LOX: variants seen among roughly 807,000 people sequenced by gnomAD.
The protein encoded by LOX is lysyl oxidase.
In LOX, 12 loss-of-function variants were observed where a neutral mutation model predicts 50.5. The ratio of observed to expected loss-of-function variants is 0.24; its 90% CI spans 0.15 to 0.38. The LOEUF (loss-of-function observed/expected upper bound fraction) is 0.38, where lower values mean the gene tolerates loss of function less well. Among genes scored for constraint, LOX ranks in the 10% least tolerant of loss-of-function variants. The probability of loss-of-function intolerance (pLI) is 1.00; values close to 1 mark genes in which losing one functional copy is unlikely to be tolerated. For missense variants in LOX, 504 were observed against 563.8 expected (o/e 0.89, Z 1.07); for synonymous variants, 254 against 230.6 (o/e 1.10, Z -0.92).
Position 122,077,237 on chromosome 5 carries a change from G to C in LOX, c.631+118C>G, listed in dbSNP as rs1327353114. Reference sequence around the variant, plus strand: ...TCCAGGGCTGCCACTGCAGGCGCGTGGGGGAGGGATCGGATCTGCGAGGAC... The same window carrying C: ...TCCAGGGCTGCCACTGCAGGCGCGTCGGGGAGGGATCGGATCTGCGAGGAC... On this transcript the variant is annotated intron_variant, in intron 1 of 6. Coordinates refer to ENST00000231004, the MANE Select transcript of LOX (RefSeq NM_002317.7). The surrounding 1 kb of genome is among the most constrained non-coding windows in gnomAD (Gnocchi z 4.9). The C allele has an allele frequency of 1.9e-5, 29 of 1,514,904 alleles. No homozygotes were observed. The highest frequency in any genetic ancestry group is 2.5e-5 in the Non-Finnish European group (28 of 1,132,944). 93.8% of individuals were successfully genotyped at this position (1,514,904 alleles called of 1,614,324 possible).
chr5:122,073,763 C>T (rs1754526866), intron 4 of LOX, among the ~76,000 whole-genome samples: 1 of 152,122 alleles, frequency 6.6e-6, no homozygotes, highest in South Asian at 2.1e-4. Context: ...CCATCATTTG[C>T]CTTTTCCCAA....
Position 122,077,959 on chromosome 5 carries a change from C to T in LOX, c.27G>A (p.Leu9=). 6.8e-7 allele frequency: 1 copy of T among 1,475,610 alleles called. No individual in the cohort carries two copies. The highest frequency in any genetic ancestry group is 1.5e-5 in the South Asian group (1 of 67,700). The allele number at this position is 1,475,610 out of a possible 1,614,324, so 91.4% of individuals were successfully genotyped here. Residue 9 remains leucine (L), a synonymous_variant, in exon 1 of 7, where the codon CTG becomes CTA. Transcript: ENST00000231004. The surrounding 1 kb of genome is among the most constrained non-coding windows in gnomAD (Gnocchi z 4.9). Reference sequence around the variant, plus strand: ...GCGCGCAGAGCTGCAAAGGCCCGAGCAGGAGCACGGTCCAGGCGAAGCGCA... The same window carrying T: ...GCGCGCAGAGCTGCAAAGGCCCGAGTAGGAGCACGGTCCAGGCGAAGCGCA... The part of the protein sequence containing the change: MRFAWTVL[L]LGPLQLCALV...
rs1417896367 is a variant in LOX at position 122,063,466 on chromosome 5, CA to C, written c.*3276del. On this transcript the variant is annotated 3_prime_UTR_variant, in exon 7 of 7. Transcript: ENST00000231004. ...ATATTAATTAAATGTTTATATACCACAAGCTAAGATTTAATGCATTTTACAT... is the reference window on the plus strand; with the variant it reads ...ATATTAATTAAATGTTTATATACCACAGCTAAGATTTAATGCATTTTACAT... The C allele has an allele frequency of 1.3e-5, 2 of 151,880 alleles. No individual in the cohort carries two copies. The highest frequency in any genetic ancestry group is 2.9e-5 in the Non-Finnish European group (2 of 67,876). The allele number at this position is 151,880 out of a possible 1,614,324, so 9.4% of individuals were successfully genotyped here. A position where few individuals can be genotyped will look rare whatever the true frequency, so the allele number is the denominator to read the frequency against.
chr5:122,068,174 T>TAAA lies in LOX; in HGVS notation c.1248-1428_1248-1426dup, dbSNP rs10650287. On this transcript the variant is annotated intron_variant, in intron 6 of 6. Transcript: ENST00000231004. ...GTTTGTTACAGTCAGTAATAACTAG[T>TAAA]AAAAAAAAAAAAAAAAAAAAAAATT... Among the ~76,000 whole-genome samples the TAAA allele has an allele frequency of 8.2e-3, 949 of 115,824 alleles. 12 individuals carry two copies. Among genetic ancestry groups the TAAA allele is most frequent in the African/African-American group, 0.026 (786 of 29,662 alleles). 76.0% of individuals were successfully genotyped at this position (115,824 alleles called of 152,430 possible). A position where few individuals can be genotyped will look rare whatever the true frequency, so the allele number is the denominator to read the frequency against.
rs918138740 is a variant in LOX at position 122,066,570 on chromosome 5, A to G, written c.*173T>C. The G allele has an allele frequency of 2.9e-5, 15 of 515,254 alleles. No individual in the cohort carries two copies. The highest frequency in any genetic ancestry group is 5.4e-5 in the Non-Finnish European group (15 of 280,314). The allele number at this position is 515,254 out of a possible 1,614,324, so 31.9% of individuals were successfully genotyped here. A position where few individuals can be genotyped will look rare whatever the true frequency, so the allele number is the denominator to read the frequency against. On this transcript the variant is annotated 3_prime_UTR_variant, in exon 7 of 7. Transcript: ENST00000231004. Reference sequence around the variant, plus strand: ...AAATTTCCCAAGTAATGATGACTTAAGCGTTCAAAATCCAGTTATGTGCTT... The same window carrying G: ...AAATTTCCCAAGTAATGATGACTTAGGCGTTCAAAATCCAGTTATGTGCTT...
chr5:122,068,284 A>G (rs1046346188), intron 6 of LOX, among the ~76,000 whole-genome samples: 1 of 152,022 alleles, frequency 6.6e-6, no homozygotes, highest in Non-Finnish European at 1.5e-5. Flanking sequence ...TTTCTTCTAA[A>G]TATCTAGCAA....
At position 122,076,971 on chromosome 5, in the gene LOX, T is replaced by C; in HGVS notation, c.662A>G (p.Tyr221Cys). ...CTGCACGTACGTGGACGCCTGGATG[T>C]AGTAGGGGTCGGCCACCAGGTCTGG... ...GLPDLVADPY[Y>C]IQASTYVQKM... Residue 221 changes from tyrosine (Y) to cysteine (C), a missense_variant, in exon 2 of 7, where the codon TAC becomes TGC. By Grantham distance (194) the Tyr-to-Cys change is radical (BLOSUM62 -2). Transcript: ENST00000231004. The C allele has an allele frequency of 6.2e-7, 1 of 1,613,546 alleles. No homozygotes were observed. Among genetic ancestry groups the C allele is most frequent in the East Asian group, 2.2e-5 (1 of 44,836 alleles).
chr5:122,073,457 A>C (rs1754512236), intron 4 of LOX, among the ~76,000 whole-genome samples: 1 of 152,240 alleles, frequency 6.6e-6, no homozygotes, highest in Non-Finnish European at 1.5e-5. Flanking sequence ...GCTTTTAAAG[A>C]AACTTATTTT....
At position 122,076,983 on chromosome 5, in the gene LOX, G is replaced by A. The variant is rs1187021771; in HGVS notation, c.650C>T (p.Ala217Val). The A allele has an allele frequency of 1.2e-6, 2 of 1,613,470 alleles. No homozygotes were observed. Among genetic ancestry groups the A allele is most frequent in the African/African-American group, 2.7e-5 (2 of 74,864 alleles). ...GGACGCCTGGATGTAGTAGGGGTCG[G>A]CCACCAGGTCTGGGAGACCTAAACG... ...YFQYGLPDLV[A>V]DPYYIQASTY... The change falls in exon 2 of 7, where the codon GCC (alanine) becomes GTC (valine). Residue 217 changes from alanine (A) to valine (V), a missense_variant. Physicochemically the swap from Ala to Val is moderately conservative, Grantham distance 64 (BLOSUM62 0). Coordinates refer to ENST00000231004, the MANE Select transcript of LOX (RefSeq NM_002317.7).
chr5:122,064,318 T>C lies in LOX; in HGVS notation c.*2425A>G, dbSNP rs1754242200. The stretch of plus-strand genomic sequence containing the variant: ...AGAAGAGATTCAAAGTTCAAAATAG[T>C]TCAAAGAAGTTCAGTAATACAGAGT... On this transcript the variant is annotated 3_prime_UTR_variant, in exon 7 of 7. Coordinates refer to ENST00000231004, the MANE Select transcript of LOX (RefSeq NM_002317.7). 1 of 151,946 alleles carries C rather than the reference T, an allele frequency of 6.6e-6. No homozygotes were observed. Among genetic ancestry groups the C allele is most frequent in the African/African-American group, 2.4e-5 (1 of 41,412 alleles). The allele number at this position is 151,946 out of a possible 1,614,324, so 9.4% of individuals were successfully genotyped here.
rs766870362 is a variant in LOX, at chr5:122,076,938, G to T, written c.695C>A (p.Ser232Tyr). The T allele has an allele frequency of 6.2e-7, 1 of 1,614,064 alleles. No individual in the cohort carries two copies. The highest frequency in any genetic ancestry group is 1.1e-5 in the South Asian group (1 of 91,072). ...IQASTYVQKM[S>Y]MYNLRCAAEE... ...CGCCGCGCATCTCAGGTTGTACATG[G>T]ACATCTTCTGCACGTACGTGGACGC... The change falls in exon 2 of 7, where the codon TCC (serine) becomes TAC (tyrosine). Residue 232 changes from serine (S) to tyrosine (Y), a missense_variant. Physicochemically the swap from Ser to Tyr is moderately radical, Grantham distance 144 (BLOSUM62 -2). Transcript: ENST00000231004.
Position 122,063,804 on chromosome 5 carries a change from C to T in LOX, c.*2939G>A, listed in dbSNP as rs1354291446. The T allele has an allele frequency of 6.6e-6, 1 of 151,834 alleles. No individual in the cohort carries two copies. The highest frequency in any genetic ancestry group is 1.5e-5 in the Non-Finnish European group (1 of 67,854). The allele number at this position is 151,834 out of a possible 1,614,324, so 9.4% of individuals were successfully genotyped here. On this transcript the variant is annotated 3_prime_UTR_variant, in exon 7 of 7. Coordinates refer to ENST00000231004, the MANE Select transcript of LOX (RefSeq NM_002317.7). ...GTGCCAGGAAAATTTTAATGAATTGCATTTCTTCTAGAATCCGAATATTGG... is the reference window on the plus strand; with the variant it reads ...GTGCCAGGAAAATTTTAATGAATTGTATTTCTTCTAGAATCCGAATATTGG...
chr5:122,076,036 T>C (rs1754618151), intron 2 of LOX: 1 of 152,264 alleles, frequency 6.6e-6, no homozygotes, highest in Admixed American at 6.5e-5. Context: ...AAATTAATAA[T>C]TTTGTAACTT....
rs891932826 is a variant in LOX at position 122,077,743 on chromosome 5, G to C, written c.243C>G (p.Asn81Lys). 1.3e-6 allele frequency: 2 copies of C among 1,568,448 alleles called. No homozygotes were observed. The highest frequency in any genetic ancestry group is 3.4e-4 in the Middle Eastern group (2 of 5,968). The change falls in exon 1 of 7, where the codon AAC (asparagine) becomes AAG (lysine). Residue 81 changes from asparagine to lysine, a missense_variant. Physicochemically the swap from Asn to Lys is moderately conservative, Grantham distance 94. Coordinates refer to ENST00000231004, the MANE Select transcript of LOX (RefSeq NM_002317.7). This position sits in a 1 kb window ranked among gnomAD's most constrained non-coding sequence, Gnocchi z 4.9. ...DPGAAVPGAANASAQQPRTPI... is the reference protein window; with the variant it reads ...DPGAAVPGAAKASAQQPRTPI... The stretch of plus-strand genomic sequence containing the variant: ...GAGTGCGGGGCTGCTGGGCGGAGGC[G>C]TTGGCTGCACCAGGGACGGCGGCGC...
chr5:122,067,243 A>G (rs1328460130), intron 6 of LOX, among the ~76,000 whole-genome samples: 2 of 152,144 alleles, frequency 1.3e-5, no homozygotes, highest in Non-Finnish European at 2.9e-5. Context: ...CATGTAAGGA[A>G]GTGAAAATTC....
At position 122,077,800 on chromosome 5, in the gene LOX, T is replaced by A. The variant is rs1754686645; in HGVS notation, c.186A>T (p.Ser62=). The change falls in exon 1 of 7, where the codon TCA becomes TCT. Residue 62 remains serine (S), a synonymous_variant. Coordinates refer to ENST00000231004, the MANE Select transcript of LOX (RefSeq NM_002317.7). The surrounding 1 kb of genome is among the most constrained non-coding windows in gnomAD (Gnocchi z 4.9). The part of the protein sequence containing the change: ...GQVFSLLSLG[S]QYQPQRRRDP... ...CCCGGCGGCGCTGAGGCTGGTACTGTGAGCCCAGGCTCAGCAAGCTGAACA... is the reference window on the plus strand; with the variant it reads ...CCCGGCGGCGCTGAGGCTGGTACTGAGAGCCCAGGCTCAGCAAGCTGAACA... The A allele has an allele frequency of 3.2e-6, 5 of 1,550,098 alleles. No homozygotes were observed. The highest frequency in any genetic ancestry group is 4.3e-6 in the Non-Finnish European group (5 of 1,152,630).
Position 122,077,869 on chromosome 5 carries a change from C to G in LOX, c.117G>C (p.Pro39=), listed in dbSNP as rs759310341. 5.0e-5 allele frequency: 76 copies of G among 1,535,174 alleles called. 1 individual carries two copies. The South Asian group carries it at 6.1e-4, about 12-fold the overall frequency. The part of the protein sequence containing the change: ...QQPPREPPAA[P]GAWRQQIQWE... ...ATTGGATCTGCTGGCGCCAGGCGCC[C>G]GGAGCCGCCGGCGGCTCGCGCGGGG... The change falls in exon 1 of 7, where the codon CCG becomes CCC. Residue 39 remains proline, a synonymous_variant. Transcript: ENST00000231004. This position sits in a 1 kb window ranked among gnomAD's most constrained non-coding sequence, Gnocchi z 4.9.
At position 122,075,524 on chromosome 5, in the gene LOX, T is replaced by C; in HGVS notation, c.758A>G (p.Asp253Gly). Residue 253 changes from aspartate (D) to glycine (G), a missense_variant, in exon 3 of 7, where the codon GAT becomes GGT. Transcript: ENST00000231004. ...CACCCTGTGATCATAATCTCTGACATCTGCCCTGTATGCTGTACTGTGATT... is the reference window on the plus strand; with the variant it reads ...CACCCTGTGATCATAATCTCTGACACCTGCCCTGTATGCTGTACTGTGATT... ...NCLASTAYRADVRDYDHRVLL... is the reference protein window; with the variant it reads ...NCLASTAYRAGVRDYDHRVLL... The C allele has an allele frequency of 6.2e-7, 1 of 1,610,526 alleles. No individual in the cohort carries two copies. Among genetic ancestry groups the C allele is most frequent in the Non-Finnish European group, 8.5e-7 (1 of 1,178,534 alleles).
rs1754222986 is a variant in LOX at position 122,063,595 on chromosome 5, C to T, written c.*3148G>A. ...TTTGGTAGCTAGGAATGAGACTTAACTCACTGATTGAATATGTTGATTGTG... is the reference window on the plus strand; with the variant it reads ...TTTGGTAGCTAGGAATGAGACTTAATTCACTGATTGAATATGTTGATTGTG... On this transcript the variant is annotated 3_prime_UTR_variant, in exon 7 of 7. Coordinates refer to ENST00000231004, the MANE Select transcript of LOX (RefSeq NM_002317.7). 6.6e-6 allele frequency: 1 copy of T among 151,864 alleles called. No homozygotes were observed. 9.4% of individuals were successfully genotyped at this position (151,864 alleles called of 1,614,324 possible). A position where few individuals can be genotyped will look rare whatever the true frequency, so the allele number is the denominator to read the frequency against.
Sources: allele counts gnomAD v4.1 joint callset (sites outside exome capture counted in the v4.1 genomes callset), GRCh38; gene constraint gnomAD v4.1.1; non-coding constraint Gnocchi (gnomAD v3.1); transcripts MANE v1.5; gene names NCBI Gene and HGNC (gene_info 2026-07-23, HGNC 2026-07-21).